The following GRM7 variants were observed in gnomAD, a reference collection of about 807,000 sequenced individuals.
GRM7 encodes metabotropic glutamate receptor 7.
In GRM7, 35 loss-of-function variants were observed where a neutral mutation model predicts 84.5. That is an observed-to-expected ratio of 0.41 (90% confidence interval 0.32 to 0.55). GRM7 has a LOEUF of 0.55. GRM7 is among the 20% of genes least tolerant of loss of function. The pLI is 0.19. For missense variants in GRM7, 1,003 were observed against 1,194.6 expected (o/e 0.84, Z 2.36); for synonymous variants, 487 against 455.1 (o/e 1.07, Z -0.89).
At position 7,680,326 on chromosome 3, in the gene GRM7, C is replaced by T. The variant is rs759973648; in HGVS notation, c.2698+31C>T. 7 of 1,608,930 alleles carry T rather than the reference C, an allele frequency of 4.4e-6. No homozygotes were observed. In the Admixed American group the frequency reaches 1.0e-4, roughly 23 times the overall value. On this transcript the variant is annotated intron_variant, in intron 9 of 9. Coordinates refer to ENST00000357716, the MANE Select transcript of GRM7 (RefSeq NM_000844.4). ...TAACTCTCCGTTTCTTTCATCTTCC[C>T]ACCCTGCATCAGGAAGCTCTAGAAG...
intron 8 of GRM7, among the ~76,000 whole-genome samples, chr3:7,663,179 A>C (rs981489844): frequency 2.6e-5 from 4 of 152,174 alleles, no homozygotes; most frequent in African/African-American, 9.7e-5. Context: ...TAGTATCAGC[A>C]CCAGTGGGCA....
chr3:7,634,683 A>C (rs1698001093), intron 8 of GRM7, among the ~76,000 whole-genome samples: 1 of 151,522 alleles, frequency 6.6e-6, no homozygotes, highest in African/African-American at 2.4e-5. Flanking sequence ...AGTCCAAGCT[A>C]CTCGGGAGGC....
chr3:7,224,804 G>C (rs1696929628), intron 2 of GRM7, among the ~76,000 whole-genome samples: 1 of 152,084 alleles, frequency 6.6e-6, no homozygotes, highest in Non-Finnish European at 1.5e-5. Context: ...GTCATGTGTA[G>C]TGGGAGGGGT....
At chr3:7,072,594 G>T (rs550324072) in intron 1 of GRM7, among the ~76,000 whole-genome samples, 15 of 152,140 alleles carry the variant, frequency 9.9e-5, no homozygotes, top group Admixed American at 8.5e-4. Context: ...GCTGAGGTGA[G>T]AGGATGACTT....
rs1694748107 is a variant in GRM7 at position 6,861,393 on chromosome 3, T to C, written c.5T>C (p.Val2Ala). Reference sequence around the variant, plus strand: ...CACCGCAGCAGCCGGAGCAGCATGGTCCAGCTGAGGAAGCTGCTCCGCGTC... The same window carrying C: ...CACCGCAGCAGCCGGAGCAGCATGGCCCAGCTGAGGAAGCTGCTCCGCGTC... MVQLRKLLRVLT... is the reference protein window; with the variant it reads MAQLRKLLRVLT... Residue 2 changes from valine to alanine, a missense_variant, in exon 1 of 10, where the codon GTC (valine) becomes GCC (alanine). Physicochemically the swap from Val to Ala is moderately conservative, Grantham distance 64 (BLOSUM62 0). Transcript: ENST00000357716. The surrounding 1 kb of genome is among the most constrained non-coding windows in gnomAD (Gnocchi z 6.4). 1 of 1,564,596 alleles carries C rather than the reference T, an allele frequency of 6.4e-7. No individual in the cohort carries two copies.
intron 4 of GRM7, among the ~76,000 whole-genome samples, chr3:7,385,080 T>C (rs1694731457): frequency 1.3e-5 from 2 of 152,102 alleles, no homozygotes; most frequent in South Asian, 2.1e-4. Flanking sequence ...AGAAAGAAAT[T>C]AAAGCCTCCT....
At chr3:7,350,338 G>A (rs978298201) in intron 4 of GRM7, among the ~76,000 whole-genome samples, 1 of 151,942 alleles carries the variant, frequency 6.6e-6, no homozygotes, top group African/African-American at 2.4e-5. Flanking sequence ...TCATGATGGT[G>A]GTTTCTCATG....
At chr3:7,469,812 A>G (rs1698623027) in intron 7 of GRM7, among the ~76,000 whole-genome samples, 1 of 152,192 alleles carries the variant, frequency 6.6e-6, no homozygotes, top group African/African-American at 2.4e-5. Context: ...CAAAAATAGT[A>G]CTGTTATTTT....
chr3:7,570,444 A>C (rs1694592112), intron 7 of GRM7, among the ~76,000 whole-genome samples: 1 of 152,194 alleles, frequency 6.6e-6, no homozygotes, highest in Non-Finnish European at 1.5e-5. Flanking sequence ...AAATTGGCCA[A>C]AACGAGGGCC....
intron 1 of GRM7, among the ~76,000 whole-genome samples, chr3:7,079,730 T>G (rs1452678725): frequency 6.6e-6 from 1 of 152,048 alleles, no homozygotes; most frequent in East Asian, 1.9e-4. Flanking sequence ...TGAATAGGAA[T>G]TTTGAGATAT....
At chr3:7,043,068 T>C (rs1273403112) in intron 1 of GRM7, among the ~76,000 whole-genome samples, 1 of 152,178 alleles carries the variant, frequency 6.6e-6, no homozygotes, top group Non-Finnish European at 1.5e-5. Context: ...TCTCCAATGC[T>C]CCATACATTA....
At chr3:7,392,232 C>G (rs1290796530) in intron 4 of GRM7, among the ~76,000 whole-genome samples, 1 of 152,202 alleles carries the variant, frequency 6.6e-6, no homozygotes, top group Non-Finnish European at 1.5e-5. Flanking sequence ...CACTCACAGA[C>G]CAGTTCCAGG....
At chr3:7,297,776 C>A (rs1699862284) in intron 2 of GRM7, among the ~76,000 whole-genome samples, 1 of 152,074 alleles carries the variant, frequency 6.6e-6, no homozygotes, top group Non-Finnish European at 1.5e-5. Context: ...GGTCTTGTGC[C>A]CCTTGGACGG....
At chr3:7,567,296 G>T (rs1263046043) in intron 7 of GRM7, among the ~76,000 whole-genome samples, 1 of 152,122 alleles carries the variant, frequency 6.6e-6, no homozygotes, top group Non-Finnish European at 1.5e-5. Flanking sequence ...CATTTTAGGT[G>T]CCCCATTCAG....
intron 1 of GRM7, among the ~76,000 whole-genome samples, chr3:7,035,160 C>G (rs1354108307): frequency 6.6e-6 from 1 of 152,114 alleles, no homozygotes; most frequent in African/African-American, 2.4e-5. Context: ...GGGAGGGCTG[C>G]TTGTCAAATA....
intron 1 of GRM7, among the ~76,000 whole-genome samples, chr3:7,132,104 G>A (rs969982666): frequency 1.4e-4 from 22 of 152,072 alleles, no homozygotes; most frequent in African/African-American, 5.1e-4. Context: ...TTGCTCATAC[G>A]TTTCCTAAAC....
intron 1 of GRM7, among the ~76,000 whole-genome samples, chr3:7,054,753 C>G (rs1045604475): frequency 2.6e-5 from 4 of 151,742 alleles, no homozygotes; most frequent in African/African-American, 9.7e-5. Flanking sequence ...CTCTCTCTTT[C>G]TCTCTCTCTA....
chr3:7,636,882 A>C (rs1026221857), intron 8 of GRM7, among the ~76,000 whole-genome samples: 4 of 149,198 alleles, frequency 2.7e-5, no homozygotes, highest in Admixed American at 6.7e-5. Flanking sequence ...CAAATTATAG[A>C]AACACCAGGC....
intron 8 of GRM7, among the ~76,000 whole-genome samples, chr3:7,679,374 CA>C (rs1700266354): frequency 6.6e-6 from 1 of 150,784 alleles, no homozygotes; most frequent in African/African-American, 2.4e-5. Context: ...ACAAACCATC[CA>C]AACTGCAAAT....
Sources: allele counts gnomAD v4.1 joint callset (sites outside exome capture counted in the v4.1 genomes callset), GRCh38; gene constraint gnomAD v4.1.1; non-coding constraint Gnocchi (gnomAD v3.1); transcripts MANE v1.5; gene names NCBI Gene and HGNC (gene_info 2026-07-23, HGNC 2026-07-21).